F11: variants seen among roughly 807,000 people sequenced by gnomAD.
F11 encodes the protein coagulation factor XI.
F11 carries 78 observed loss-of-function variants against 76.5 expected under a neutral mutation model. The ratio of observed to expected loss-of-function variants is 1.02; its 90% CI spans 0.85 to 1.23. F11 has a LOEUF of 1.23. Ranked by LOEUF, F11 falls within the 50% of genes most tolerant of loss-of-function variation. The pLI is 0.00. For synonymous variants in F11, 278 were observed against 276.3 expected, an observed-to-expected ratio of 1.01 and a Z score of -0.06; for missense variants, 742 against 771.4, an observed-to-expected ratio of 0.96 and a Z score of 0.45.
At chr4:186,276,442 C>A in intron 7 of F11, 52 bp downstream of exon 7, 1 of 1,587,196 alleles carries the variant, frequency 6.3e-7, no homozygotes, top group South Asian at 1.1e-5. Flanking sequence ...AATAGCTGAT[C>A]AAAATCCATC....
At chr4:186,269,991 T>C (rs1360295069) in intron 2 of F11, among the ~76,000 whole-genome samples, 1 of 152,164 alleles carries the variant, frequency 6.6e-6, no homozygotes, top group Non-Finnish European at 1.5e-5. Flanking sequence ...GGATTGAGAA[T>C]AGGACAAGAA....
intron 10 of F11, chr4:186,283,226 T>G (rs1476509275): frequency 2.5e-5 from 4 of 162,266 alleles, no homozygotes; most frequent in African/African-American, 9.8e-5. Flanking sequence ...TGTGTGCGCA[T>G]GTATGTGTGC....
In F11 at chr4:186,285,809, C is replaced by G; in HGVS notation, c.1476C>G (p.Tyr492Ter). 6.2e-7 allele frequency: 1 copy of G among 1,614,148 alleles called. No individual in the cohort carries two copies. The highest frequency in any genetic ancestry group is 8.5e-7 in the Non-Finnish European group (1 of 1,180,012). ...ALLKLETTVN[Y>*]TDSQRPICLP... ...TGAAACTGGAAACCACAGTGAATTA[C>G]ACAGGTACGGAGAATTTTATCCGGA... The change falls in exon 12 of 15, where the codon TAC becomes TAG. Residue 492 changes from tyrosine (Y) to a stop codon, truncating the protein, a stop_gained. Coordinates refer to ENST00000403665, the MANE Select transcript of F11 (RefSeq NM_000128.4). LOFTEE classifies it high-confidence loss of function.
chr4:186,282,276 G>GA, intron 10 of F11: 2 of 985,258 alleles, frequency 2.0e-6, no homozygotes, highest in Non-Finnish European at 2.4e-6. Context: ...GAATATGCCA[G>GA]GTATAGATTG....
intron 10 of F11, chr4:186,282,957 C>T: frequency 1.0e-6 from 1 of 985,372 alleles, no homozygotes; most frequent in African/African-American, 1.7e-5. Flanking sequence ...AGTGAATGGA[C>T]CTTCTAGGAC....
At chr4:186,287,210 G>A (rs1159440311) in intron 13 of F11, among the ~76,000 whole-genome samples, 13 of 151,732 alleles carry the variant, frequency 8.6e-5, no homozygotes, top group Admixed American at 3.3e-4. Flanking sequence ...TCCTGACCTC[G>A]TGATCCACCT....
chr4:186,284,058 T>A (rs1740988284), intron 10 of F11, 34 bp from the exon 11 acceptor site: 2 of 1,613,876 alleles, frequency 1.2e-6, no homozygotes, highest in Non-Finnish European at 1.7e-6. Flanking sequence ...AAGGAAGATG[T>A]AGGAAGCTGC....
intron 2 of F11, among the ~76,000 whole-genome samples, chr4:186,270,324 C>T (rs778308985): frequency 6.6e-6 from 1 of 152,142 alleles, no homozygotes; most frequent in Admixed American, 6.5e-5. Context: ...ACAACCTTGA[C>T]GTGAAATATT....
At position 186,287,684 on chromosome 4, in the gene F11, A is replaced by T. The variant is rs1268024334; in HGVS notation, c.1577A>T (p.Asp526Val). 1 of 1,609,838 alleles carries T rather than the reference A, an allele frequency of 6.2e-7. No individual in the cohort carries two copies. The highest frequency in any genetic ancestry group is 1.3e-5 in the African/African-American group (1 of 74,778). The part of the protein sequence containing the change: ...VTGWGYRKLR[D>V]KIQNTLQKAK... ...AACGAACCAAAAAAATTTTTTTCAG[A>T]CAAAATACAAAATACTCTCCAGAAA... Residue 526 changes from aspartate to valine, a missense_variant and splice_region_variant, in exon 14 of 15, where the codon GAC becomes GTC. By Grantham distance (152) the Asp-to-Val change is radical (BLOSUM62 -3). Transcript: ENST00000403665.
Position 186,271,652 on chromosome 4 carries a change from G to A in F11, c.99G>A (p.Gly33=), listed in dbSNP as rs1328599983. Residue 33 remains glycine (G), a synonymous_variant, in exon 3 of 15, where the codon GGG becomes GGA. Transcript: ENST00000403665. ...QLLKDTCFEG[G]DITTVFTPSA... ...TGAAGGACACCTGCTTTGAAGGAGG[G>A]GACATTACTACGGTCTTCACACCAA... 1.4e-5 allele frequency: 23 copies of A among 1,614,120 alleles called. No homozygotes were observed. The highest frequency in any genetic ancestry group is 1.9e-5 in the Non-Finnish European group (23 of 1,180,010).
At chr4:186,282,743 T>C (rs1580095333) in intron 10 of F11, 1 of 985,378 alleles carries the variant, frequency 1.0e-6, no homozygotes, top group East Asian at 1.1e-4. Context: ...ATGTTCACCC[T>C]TCCGGCTCTA....
chr4:186,283,042 C>T, intron 10 of F11: 1 of 985,298 alleles, frequency 1.0e-6, no homozygotes, highest in Non-Finnish European at 1.2e-6. Flanking sequence ...TTCTGAGCAC[C>T]TGAGCCTGGT....
chr4:186,282,225 TTC>T (rs1740860466), intron 10 of F11: 1 of 985,322 alleles, frequency 1.0e-6, no homozygotes, highest in African/African-American at 1.7e-5. Context: ...CATTATGGTT[TTC>T]TCTGTTGGAT....
intron 5 of F11, chr4:186,275,195 A>G: frequency 2.2e-6 from 1 of 456,912 alleles, no homozygotes; most frequent in South Asian, 1.5e-5. Flanking sequence ...AGTCATTAAA[A>G]GTAAGAAGGA....
chr4:186,284,162 G>T lies in F11; in HGVS notation c.1206G>T (p.Gln402His), dbSNP rs149689934. The change falls in exon 11 of 15, where the codon CAG becomes CAT. Residue 402 changes from glutamine to histidine, a missense_variant. By Grantham distance (24) the Gln-to-His change is conservative (BLOSUM62 0). Transcript: ENST00000403665. ...CTGTTCGTGGTGAGTGGCCGTGGCA[G>T]GTGACCCTGCACACAACCTCACCCA... ...TASVRGEWPWQVTLHTTSPTQ... is the reference protein window; with the variant it reads ...TASVRGEWPWHVTLHTTSPTQ... 1 of 1,614,230 alleles carries T rather than the reference G, an allele frequency of 6.2e-7. No individual in the cohort carries two copies. The highest frequency in any genetic ancestry group is 1.3e-5 in the African/African-American group (1 of 75,058).
intron 2 of F11, among the ~76,000 whole-genome samples, chr4:186,269,102 C>T (rs1026418801): frequency 6.6e-6 from 1 of 152,036 alleles, no homozygotes; most frequent in Non-Finnish European, 1.5e-5. Flanking sequence ...ATGTCCTAAA[C>T]AAAATATTAT....
chr4:186,282,774 G>T, intron 10 of F11: 1 of 985,310 alleles, frequency 1.0e-6, no homozygotes, highest in Non-Finnish European at 1.2e-6. Context: ...CTCTGTTCAG[G>T]CTTCCGAAGT....
At chr4:186,284,962 TAAA>T (rs1280722948) in intron 11 of F11, among the ~76,000 whole-genome samples, 1 of 152,022 alleles carries the variant, frequency 6.6e-6, no homozygotes, top group Admixed American at 6.6e-5. Context: ...AGTAAATAAA[TAAA>T]ATACAGAACG....
chr4:186,274,093 A>C (rs771970412), intron 4 of F11, 23 bp from the exon 5 acceptor site: 2 of 1,614,140 alleles, frequency 1.2e-6, no homozygotes, highest in Non-Finnish European at 1.7e-6. Flanking sequence ...GAAGGTACTC[A>C]TGTCTTCTGC....
Sources: allele counts gnomAD v4.1 joint callset (sites outside exome capture counted in the v4.1 genomes callset), GRCh38; gene constraint gnomAD v4.1.1; transcripts MANE v1.5; gene names NCBI Gene and HGNC (gene_info 2026-07-23, HGNC 2026-07-21).